Variants in SYNPR observed in about 807,000 individuals in gnomAD.
The protein encoded by SYNPR is synaptoporin.
In SYNPR, 23 loss-of-function variants were observed where a neutral mutation model predicts 32.9. The ratio of observed to expected loss-of-function variants is 0.70; its 90% CI spans 0.50 to 0.99. The LOEUF is 0.99. Among genes scored for constraint, SYNPR ranks in the 50% least tolerant of loss-of-function variants. SYNPR has a pLI of 0.00. For missense variants in SYNPR, 318 were observed against 349.3 expected (o/e 0.91, Z 0.71); for synonymous variants, 146 against 135.9 (o/e 1.07, Z -0.52).
At chr3:63,494,471 A>G (rs1297117621) in intron 3 of SYNPR, among the ~76,000 whole-genome samples, 6 of 130,418 alleles carry the variant, frequency 4.6e-5, no homozygotes, top group Non-Finnish European at 9.4e-5. Flanking sequence ...ATATATACAC[A>G]TATATACATA....
chr3:63,415,869 C>T (rs905102639), intron 2 of SYNPR, among the ~76,000 whole-genome samples: 1 of 152,210 alleles, frequency 6.6e-6, no homozygotes, highest in Admixed American at 6.5e-5. Context: ...AAAATTCCAT[C>T]TCTGAATGCT....
At chr3:63,284,124 T>C (rs4688165) in intron 2 of SYNPR, among the ~76,000 whole-genome samples, 37,073 of 152,184 alleles carry the variant, frequency 0.24, 4,748 homozygotes, top group South Asian at 0.38. Flanking sequence ...TAATTCTTAT[T>C]TTGCTACTTT....
chr3:63,256,584 A>G (rs2086385890), intron 2 of SYNPR, among the ~76,000 whole-genome samples: 1 of 152,190 alleles, frequency 6.6e-6, no homozygotes. Flanking sequence ...ACCATCATCA[A>G]AGACCAAATG....
At chr3:63,443,559 T>A in intron 2 of SYNPR, 1 of 1,398,664 alleles carries the variant, frequency 7.1e-7, no homozygotes, top group Non-Finnish European at 9.8e-7. Flanking sequence ...GATTGTACAC[T>A]TTTCTTTCCA....
At chr3:63,296,862 T>C (rs1232816015) in intron 2 of SYNPR, among the ~76,000 whole-genome samples, 1 of 152,162 alleles carries the variant, frequency 6.6e-6, no homozygotes, top group Non-Finnish European at 1.5e-5. Context: ...GGCTGTCTAA[T>C]AGAACATTGT....
chr3:63,313,760 TATATATATCC>T (rs2086999070), intron 2 of SYNPR, among the ~76,000 whole-genome samples: 1 of 43,184 alleles, frequency 2.3e-5, no homozygotes, highest in African/African-American at 7.9e-5. Context: ...TATATATCCA[TATATATATCC>T]ATATATATAT....
rs564161665 is a variant in SYNPR, at chr3:63,407,616, C to G, written c.85-73216C>G. 5.3e-4 allele frequency among the ~76,000 whole-genome samples: 80 copies of G among 152,206 alleles called. No individual in the cohort carries two copies. In the Middle Eastern group the frequency reaches 0.01, roughly 19 times the overall value. ...GCATTAATATCATACAAGTTAAATG[C>G]CTTCTTTGTAATCATATATATTTTT... On this transcript the variant is annotated intron_variant, in intron 2 of 5. Transcript: ENST00000478300.
chr3:63,596,417 T>G (rs1477686060), intron 4 of SYNPR, among the ~76,000 whole-genome samples: 1 of 148,950 alleles, frequency 6.7e-6, no homozygotes, highest in Non-Finnish European at 1.5e-5. Context: ...TCTCTCATCC[T>G]CCTTATTTCA....
chr3:63,342,254 T>G (rs1395346839), intron 2 of SYNPR, among the ~76,000 whole-genome samples: 1 of 152,220 alleles, frequency 6.6e-6, no homozygotes, highest in Non-Finnish European at 1.5e-5. Flanking sequence ...ACTGCCTTGA[T>G]TCTTGTAGAT....
chr3:63,369,903 C>T (rs886133304), intron 2 of SYNPR, among the ~76,000 whole-genome samples: 1 of 152,106 alleles, frequency 6.6e-6, no homozygotes, highest in Non-Finnish European at 1.5e-5. Flanking sequence ...AATTTTCTTC[C>T]TCACCTAAGG....
At chr3:63,510,806 T>G (rs1294047176) in intron 3 of SYNPR, among the ~76,000 whole-genome samples, 1 of 152,166 alleles carries the variant, frequency 6.6e-6, no homozygotes, top group African/African-American at 2.4e-5. Flanking sequence ...CAGTTCTTTA[T>G]GCTCTGGGAT....
At chr3:63,398,459 G>A (rs563614832) in intron 2 of SYNPR, among the ~76,000 whole-genome samples, 49 of 152,136 alleles carry the variant, frequency 3.2e-4, no homozygotes, top group African/African-American at 1.1e-3. Context: ...GGTGGCTCAC[G>A]CCTGTAATCC....
chr3:63,497,951 G>C (rs965236184), intron 3 of SYNPR, among the ~76,000 whole-genome samples: 1 of 152,068 alleles, frequency 6.6e-6, no homozygotes, highest in Non-Finnish European at 1.5e-5. Context: ...TGTCTCTGGT[G>C]CTTTTTATAA....
chr3:63,511,206 C>T lies in SYNPR; in HGVS notation c.209+30250C>T, dbSNP rs138515452. On this transcript the variant is annotated intron_variant, in intron 3 of 5. Coordinates refer to ENST00000478300, the MANE Select transcript of SYNPR (RefSeq NM_001130003.2). ...ATGAAAATCCTGATGCTCCTGCTCACGGGCTGGGGTGCTCAGAGGTTCTCA... is the reference window on the plus strand; with the variant it reads ...ATGAAAATCCTGATGCTCCTGCTCATGGGCTGGGGTGCTCAGAGGTTCTCA... Among the ~76,000 whole-genome samples the T allele has an allele frequency of 1.1e-4, 17 of 152,136 alleles. 1 individual carries two copies. In the East Asian group the frequency reaches 2.5e-3, roughly 23 times the overall value.
intron 2 of SYNPR, among the ~76,000 whole-genome samples, chr3:63,410,045 C>A (rs1414729312): frequency 6.7e-6 from 1 of 148,454 alleles, no homozygotes; most frequent in Non-Finnish European, 1.5e-5. Flanking sequence ...ACAAAAAAAA[C>A]ACTTTGTTGT....
chr3:63,489,651 C>T (rs912303899), intron 3 of SYNPR, among the ~76,000 whole-genome samples: 1 of 152,050 alleles, frequency 6.6e-6, no homozygotes, highest in African/African-American at 2.4e-5. Flanking sequence ...CTGCTTCCCT[C>T]ACAAAATTTA....
chr3:63,461,700 C>A (rs1212122596), intron 2 of SYNPR, among the ~76,000 whole-genome samples: 1 of 151,768 alleles, frequency 6.6e-6, no homozygotes, highest in Non-Finnish European at 1.5e-5. Context: ...CTGGATTTGG[C>A]TAAGAACTCA....
At chr3:63,605,666 A>G (rs759300346) in intron 4 of SYNPR, among the ~76,000 whole-genome samples, 1 of 152,240 alleles carries the variant, frequency 6.6e-6, no homozygotes, top group Non-Finnish European at 1.5e-5. Flanking sequence ...AAACTGGAAA[A>G]GGAACATAGG....
In SYNPR at chr3:63,386,603, A is replaced by ACTTCCTTCCTTCCTTC. The variant is rs143184474; in HGVS notation, c.85-94217_85-94202dup. On this transcript the variant is annotated intron_variant, in intron 2 of 5. Coordinates refer to ENST00000478300, the MANE Select transcript of SYNPR (RefSeq NM_001130003.2). ...GTAAGAGCAGAGTTGGATTATATTT[A>ACTTCCTTCCTTCCTTC]CTTCCTTCCTTCCTTCCTTCCTTCC... is the stretch of plus-strand genomic sequence containing the variant. Among the ~76,000 whole-genome samples, 867 of 150,098 alleles carry ACTTCCTTCCTTCCTTC rather than the reference A, an allele frequency of 5.8e-3. 8 individuals carry two copies. Among genetic ancestry groups the ACTTCCTTCCTTCCTTC allele is most frequent in the African/African-American group, 7.0e-3 (283 of 40,342 alleles).
Sources: gnomAD v4.1 joint callset for allele counts (sites outside exome capture counted in the v4.1 genomes callset) on GRCh38, gnomAD v4.1.1 for gene constraint, MANE v1.5 for transcripts, NCBI Gene and HGNC (gene_info 2026-07-23, HGNC 2026-07-21) for gene names.